Variants in NEDD9 observed in about 807,000 individuals in gnomAD.
NEDD9 encodes neural precursor cell expressed, developmentally down-regulated 9.
Under a neutral mutation model 76.6 loss-of-function variants are expected in NEDD9, and 26 were observed. The ratio of observed to expected loss-of-function variants is 0.34; its 90% confidence interval spans 0.25 to 0.47. The LOEUF (loss-of-function observed/expected upper bound fraction) is 0.47, where lower values mean the gene tolerates loss of function less well. Ranked by LOEUF, NEDD9 falls within the 20% of genes least tolerant of loss-of-function variation. NEDD9 has a pLI of 1.00. For missense variants in NEDD9, 937 were observed against 1,058.5 expected, an observed-to-expected ratio of 0.89 and a Z score of 1.59; for synonymous variants, 392 against 414.2, an observed-to-expected ratio of 0.95 and a Z score of 0.65.
At chr6:11,207,113 G>A (rs900500086) in intron 2 of NEDD9, among the ~76,000 whole-genome samples, 4 of 152,234 alleles carry the variant, frequency 2.6e-5, no homozygotes, top group Admixed American at 1.3e-4. Flanking sequence ...TATTTTGTGT[G>A]TGTATAGGCA....
In NEDD9 at chr6:11,237,670, A is replaced by G. The variant is rs6938303; in HGVS notation, c.13-23943T>C. ...CACAGCCATCCCTATTCATGTAGGGATGTCTTTTGAGCTGTAATGGCAGAC... is the reference window on the plus strand; with the variant it reads ...CACAGCCATCCCTATTCATGTAGGGGTGTCTTTTGAGCTGTAATGGCAGAC... On this transcript the variant is annotated intron_variant, in intron 3 of 3. Coordinates refer to the NEDD9 transcript ENST00000397378. This position sits in a 1 kb window ranked among gnomAD's most constrained non-coding sequence, Gnocchi z 4.9. Among the ~76,000 whole-genome samples the G allele has an allele frequency of 0.049, 7,520 of 152,202 alleles. 647 individuals are homozygous for G. The highest frequency in any genetic ancestry group is 0.17 in the African/African-American group (7,124 of 41,468).
chr6:11,201,620 C>G (rs1758458826), intron 2 of NEDD9, among the ~76,000 whole-genome samples: 1 of 152,126 alleles, frequency 6.6e-6, no homozygotes, highest in African/African-American at 2.4e-5. Context: ...TAGTCATGCT[C>G]TAGTGACTTA....
intron 3 of NEDD9, among the ~76,000 whole-genome samples, chr6:11,285,334 A>T (rs915117251): frequency 6.6e-6 from 1 of 152,192 alleles, no homozygotes; most frequent in Admixed American, 6.5e-5. Context: ...TGTTGAGAAA[A>T]ATTAAAGAAG....
At chr6:11,283,672 C>T (rs562299286) in intron 3 of NEDD9, among the ~76,000 whole-genome samples, 1 of 152,242 alleles carries the variant, frequency 6.6e-6, no homozygotes, top group South Asian at 2.1e-4. Context: ...TTTCTTGAAT[C>T]TTGAGTGCTT....
chr6:11,214,012 G>A (rs1401154119), intron 1 of NEDD9, among the ~76,000 whole-genome samples: 3 of 152,148 alleles, frequency 2.0e-5, no homozygotes, highest in Non-Finnish European at 4.4e-5. Context: ...ATGAGTAGCA[G>A]TGTTACAGAG....
intron 2 of NEDD9, among the ~76,000 whole-genome samples, chr6:11,308,602 C>G (rs928989899): frequency 6.6e-6 from 1 of 151,966 alleles, no homozygotes; most frequent in Non-Finnish European, 1.5e-5. Flanking sequence ...ATCTCCTTAC[C>G]TCGTGATCCG....
intron 2 of NEDD9, among the ~76,000 whole-genome samples, chr6:11,197,980 T>G (rs765030087): frequency 1.3e-5 from 2 of 152,072 alleles, no homozygotes; most frequent in African/African-American, 2.4e-5. Flanking sequence ...GCATCTGTGT[T>G]CCCTGAGCTG....
chr6:11,360,199 G>T (rs538714478), intron 1 of NEDD9, among the ~76,000 whole-genome samples: 1 of 152,336 alleles, frequency 6.6e-6, no homozygotes, highest in Non-Finnish European at 1.5e-5. Context: ...GGATTAAAGA[G>T]TGATCAAGCA....
At chr6:11,301,093 C>T (rs890608194) in intron 3 of NEDD9, among the ~76,000 whole-genome samples, 14 of 152,128 alleles carry the variant, frequency 9.2e-5, no homozygotes, top group African/African-American at 2.7e-4. Context: ...AGAGTCAAGA[C>T]CCATGGGTGT....
At chr6:11,230,755 G>A (rs1397852857) in intron 1 of NEDD9, among the ~76,000 whole-genome samples, 1 of 152,204 alleles carries the variant, frequency 6.6e-6, no homozygotes, top group African/African-American at 2.4e-5. Context: ...TTGGCAAGGT[G>A]TTCAACACCA....
At chr6:11,218,800 C>G (rs1581964362) in intron 1 of NEDD9, among the ~76,000 whole-genome samples, 1 of 152,120 alleles carries the variant, frequency 6.6e-6, no homozygotes, top group Admixed American at 6.5e-5. Context: ...AGCCTCACAG[C>G]CAGAGACTAT....
At chr6:11,285,794 C>T (rs1760635245) in intron 3 of NEDD9, among the ~76,000 whole-genome samples, 2 of 152,136 alleles carry the variant, frequency 1.3e-5, no homozygotes, top group Non-Finnish European at 2.9e-5. Flanking sequence ...TGCTAGTACA[C>T]TTGGATATCA....
At chr6:11,212,396 C>T (rs1758809604) in intron 2 of NEDD9, among the ~76,000 whole-genome samples, 1 of 152,208 alleles carries the variant, frequency 6.6e-6, no homozygotes, top group African/African-American at 2.4e-5. Context: ...CGTGTCCCTA[C>T]CTAGCATTCT....
At chr6:11,365,745 T>C (rs1179968353) in intron 1 of NEDD9, among the ~76,000 whole-genome samples, 4 of 152,134 alleles carry the variant, frequency 2.6e-5, no homozygotes, top group Non-Finnish European at 1.5e-5. Flanking sequence ...ATCCCAGCAC[T>C]TTGGGAGGCC....
At chr6:11,364,608 C>T (rs1233375699) in intron 1 of NEDD9, among the ~76,000 whole-genome samples, 1 of 152,074 alleles carries the variant, frequency 6.6e-6, no homozygotes, top group Non-Finnish European at 1.5e-5. Flanking sequence ...GCTTGTAACC[C>T]TTAAGGAGGC....
In NEDD9 at chr6:11,190,090, G is replaced by C. The variant is rs1324431399; in HGVS notation, c.1779C>G (p.Asp593Glu). Reference sequence around the variant, plus strand: ...CCTTGTTGTGGGCCTGGGCCTTGTGGTCACCAGGATGCAGCAGCTGTCCCT... The same window carrying C: ...CCTTGTTGTGGGCCTGGGCCTTGTGCTCACCAGGATGCAGCAGCTGTCCCT... ...GSQGQLLHPGDHKAQAHNKAL... is the reference protein window; with the variant it reads ...GSQGQLLHPGEHKAQAHNKAL... Residue 593 changes from aspartate (D) to glutamate (E), a missense_variant, in exon 5 of 7, where the codon GAC becomes GAG. Asp to Glu is a conservative substitution (Grantham distance 45, BLOSUM62 2). Coordinates refer to ENST00000379446, the MANE Select transcript of NEDD9 (RefSeq NM_006403.4). The surrounding 1 kb of genome is among the most constrained non-coding windows in gnomAD (Gnocchi z 5.8). 1 of 1,608,776 alleles carries C rather than the reference G, an allele frequency of 6.2e-7. No individual in the cohort carries two copies. Among genetic ancestry groups the C allele is most frequent in the Non-Finnish European group, 8.5e-7 (1 of 1,176,852 alleles).
At chr6:11,338,920 C>CAA (rs34260918) in intron 1 of NEDD9, among the ~76,000 whole-genome samples, 885 of 77,576 alleles carry the variant, frequency 0.011, 11 homozygotes, top group Middle Eastern at 0.03. Context: ...GACTCTGTCT[C>CAA]AAAAAAAAAA....
chr6:11,232,560 A>G lies in NEDD9; in HGVS notation c.-45T>C. 6.2e-7 allele frequency: 1 copy of G among 1,614,062 alleles called. No homozygotes were observed. The highest frequency in any genetic ancestry group is 8.5e-7 in the Non-Finnish European group (1 of 1,180,008). On this transcript the variant is annotated 5_prime_UTR_variant, in exon 1 of 7. Transcript: ENST00000379446. ...GCCGTTTTCCTACACTAGTTAAGAC[A>G]GCATTAAGCACTGCGGTGCCCGCCC...
chr6:11,279,615 C>G (rs1760490374), intron 3 of NEDD9, among the ~76,000 whole-genome samples: 1 of 152,104 alleles, frequency 6.6e-6, no homozygotes, highest in African/African-American at 2.4e-5. Flanking sequence ...CGTGGCTGGT[C>G]TTCTTGTTTA....
Sources: gnomAD v4.1 joint callset for allele counts (sites outside exome capture counted in the v4.1 genomes callset) on GRCh38, gnomAD v4.1.1 for gene constraint, Gnocchi (gnomAD v3.1) non-coding constraint, MANE v1.5 for transcripts, NCBI Gene and HGNC (gene_info 2026-07-23, HGNC 2026-07-21) for gene names.